Variants in DKK3 observed in about 807,000 individuals in gnomAD.
DKK3 encodes the protein dickkopf Wnt signaling pathway inhibitor 3, also known as dickkopf-related protein 3.
Under a neutral mutation model 33.2 loss-of-function variants are expected in DKK3, and 22 were observed. The ratio of observed to expected loss-of-function variants is 0.66; its 90% confidence interval spans 0.47 to 0.95. The LOEUF (loss-of-function observed/expected upper bound fraction) is 0.95. DKK3 is among the 40% of genes least tolerant of loss of function. The probability of loss-of-function intolerance (pLI) is 0.00; values close to 1 mark genes in which losing one functional copy is unlikely to be tolerated. For synonymous variants in DKK3, 194 were observed against 188.8 expected (o/e 1.03, Z -0.23); for missense variants, 398 against 458.4 (o/e 0.87, Z 1.20).
intron 1 of DKK3, among the ~76,000 whole-genome samples, chr11:12,005,015 G>A (rs1431789563): frequency 1.3e-5 from 2 of 152,192 alleles, no homozygotes; most frequent in African/African-American, 2.4e-5. Context: ...TTACCACTCT[G>A]GTTAGTGATA....
intron 3 of DKK3, among the ~76,000 whole-genome samples, chr11:11,971,180 G>C (rs907845982): frequency 4.8e-4 from 73 of 152,118 alleles, no homozygotes; most frequent in African/African-American, 1.7e-3. Context: ...TGTGTTTAAG[G>C]CTATATCGTT....
At chr11:11,999,481 T>G (rs1848376196) in intron 2 of DKK3, among the ~76,000 whole-genome samples, 1 of 152,130 alleles carries the variant, frequency 6.6e-6, no homozygotes, top group Non-Finnish European at 1.5e-5. Context: ...ATACAAAATT[T>G]AGCCGCAGTG....
At chr11:11,999,254 G>A (rs2133324565) in intron 2 of DKK3, among the ~76,000 whole-genome samples, 1 of 152,334 alleles carries the variant, frequency 6.6e-6, no homozygotes, top group East Asian at 1.9e-4. Flanking sequence ...TCAAGAAAGT[G>A]CTTAAGTATA....
intron 3 of DKK3, among the ~76,000 whole-genome samples, chr11:11,979,211 G>A (rs1847903466): frequency 6.6e-6 from 1 of 152,226 alleles, no homozygotes; most frequent in African/African-American, 2.4e-5. Context: ...CTACCCTTGT[G>A]TCAGGAAATG....
chr11:12,007,119 G>A (rs1848552360), intron 1 of DKK3, among the ~76,000 whole-genome samples: 1 of 152,180 alleles, frequency 6.6e-6, no homozygotes, highest in Non-Finnish European at 1.5e-5. Flanking sequence ...CCAAGCCAGT[G>A]TCCCCTTCAC....
chr11:11,975,975 G>A (rs1429666014), intron 3 of DKK3, among the ~76,000 whole-genome samples: 1 of 152,194 alleles, frequency 6.6e-6, no homozygotes, highest in African/African-American at 2.4e-5. Flanking sequence ...GGAACCTCAT[G>A]AAGTTACTGG....
At chr11:11,997,657 T>TC (rs978569195) in intron 3 of DKK3, among the ~76,000 whole-genome samples, 1 of 151,684 alleles carries the variant, frequency 6.6e-6, no homozygotes, top group African/African-American at 2.4e-5. Context: ...GCACAGTTCC[T>TC]CCCCCCACCC....
At chr11:12,003,403 T>G (rs1448642866) in intron 1 of DKK3, among the ~76,000 whole-genome samples, 1 of 152,206 alleles carries the variant, frequency 6.6e-6, no homozygotes, top group African/African-American at 2.4e-5. Context: ...CTTAGACATA[T>G]GTTCTTCTCT....
chr11:11,970,768 AGGG>A (rs1198320903), intron 3 of DKK3, among the ~76,000 whole-genome samples: 1 of 152,182 alleles, frequency 6.6e-6, no homozygotes, highest in Non-Finnish European at 1.5e-5. Flanking sequence ...TGTAGATGGA[AGGG>A]GGGCCAGGGG....
intron 1 of DKK3, among the ~76,000 whole-genome samples, chr11:12,005,721 C>G (rs1848524028): frequency 6.6e-6 from 1 of 152,156 alleles, no homozygotes; most frequent in African/African-American, 2.4e-5. Context: ...AATAATGCAT[C>G]TGGCCCAGGT....
At position 12,008,473 on chromosome 11, in the gene DKK3, G is replaced by T; in HGVS notation, c.110C>A (p.Ala37Asp). The part of the protein sequence containing the change: ...ATSAPVKPGP[A>D]LSYPQEEATL... ...GGCCTCCTCCTGCGGGTAGCTGAGA[G>T]CCGGGCCGGGCTTGACTGGAGCCGA... Residue 37 changes from alanine to aspartate, a missense_variant, in exon 1 of 7, where the codon GCT becomes GAT. Transcript: ENST00000683431. The surrounding 1 kb of genome is among the most constrained non-coding windows in gnomAD (Gnocchi z 4.6). 6.2e-7 allele frequency: 1 copy of T among 1,607,290 alleles called. No individual in the cohort carries two copies.
chr11:12,005,896 G>A (rs988596550), intron 1 of DKK3, among the ~76,000 whole-genome samples: 1 of 152,126 alleles, frequency 6.6e-6, no homozygotes, highest in African/African-American at 2.4e-5. Flanking sequence ...GATACTTTTA[G>A]TATTTTAAGA....
At chr11:12,002,120 T>C (rs1848441129) in intron 2 of DKK3, 180 bp downstream of exon 2, 1 of 658,696 alleles carries the variant, frequency 1.5e-6, no homozygotes, top group African/African-American at 1.8e-5. Context: ...AGGATCCTGA[T>C]ACATTGTCTC....
At chr11:11,968,939 G>C (rs942660689) in intron 3 of DKK3, among the ~76,000 whole-genome samples, 3 of 152,210 alleles carry the variant, frequency 2.0e-5, no homozygotes, top group African/African-American at 7.2e-5. Flanking sequence ...GCATCGCTAG[G>C]GACCCTGCCA....
intron 1 of DKK3, among the ~76,000 whole-genome samples, chr11:12,004,797 G>A (rs530445759): frequency 3.3e-5 from 5 of 152,210 alleles, no homozygotes; most frequent in Admixed American, 6.5e-5. Context: ...TTTTTATCCC[G>A]TTGCCCTTTA....
At chr11:11,965,296 G>C (rs1013594045) in intron 6 of DKK3, among the ~76,000 whole-genome samples, 4 of 152,150 alleles carry the variant, frequency 2.6e-5, no homozygotes, top group African/African-American at 9.7e-5. Context: ...AGCAGCCCTG[G>C]ATTCTGTTGG....
At chr11:11,978,324 G>A (rs183497033) in intron 3 of DKK3, among the ~76,000 whole-genome samples, 7 of 152,202 alleles carry the variant, frequency 4.6e-5, no homozygotes, top group African/African-American at 7.2e-5. Context: ...CTTCCTCCCC[G>A]TACCCACTCA....
At chr11:11,985,402 G>A (rs1848049902) in intron 3 of DKK3, among the ~76,000 whole-genome samples, 1 of 152,154 alleles carries the variant, frequency 6.6e-6, no homozygotes, top group South Asian at 2.1e-4. Flanking sequence ...AACTTCATTG[G>A]GTTGCAGTTT....
intron 3 of DKK3, among the ~76,000 whole-genome samples, chr11:11,970,997 T>C (rs1847712609): frequency 6.6e-6 from 1 of 152,134 alleles, no homozygotes; most frequent in East Asian, 1.9e-4. Context: ...AAATAGGCAT[T>C]GCCAAATGCT....
Sources: gnomAD v4.1 joint callset for allele counts (sites outside exome capture counted in the v4.1 genomes callset) on GRCh38, gnomAD v4.1.1 for gene constraint, Gnocchi (gnomAD v3.1) non-coding constraint, MANE v1.5 for transcripts, NCBI Gene and HGNC (gene_info 2026-07-23, HGNC 2026-07-21) for gene names.